The following SPEN variants were observed in gnomAD, a reference collection of about 807,000 sequenced individuals.
SPEN encodes the protein msx2-interacting protein.
Under a neutral mutation model 269.9 loss-of-function variants are expected in SPEN, and 18 were observed. The ratio of observed to expected loss-of-function variants is 0.07; its 90% CI spans 0.05 to 0.10. The LOEUF (loss-of-function observed/expected upper bound fraction) is 0.10, where lower values mean the gene tolerates loss of function less well. Among genes scored for constraint, SPEN ranks in the 10% least tolerant of loss-of-function variants. The pLI, the probability that SPEN is intolerant of heterozygous loss-of-function variation, is 1.00. For synonymous variants in SPEN, 1,726 were observed against 1,765.7 expected (o/e 0.98, Z 0.56); for missense variants, 3,822 against 4,631.2 (o/e 0.83, Z 5.07).
Position 15,922,232 on chromosome 1 carries a change from TC to T in SPEN, c.1750-16del. ...AAATTTGAAACTTGCATCAAACACC[TC>T]TTTTTTTTTTTAAAGGTGGATTTTG... is the stretch of plus-strand genomic sequence containing the variant. On this transcript the variant is annotated splice_polypyrimidine_tract_variant and intron_variant, in intron 9 of 14. Transcript: ENST00000375759. 2 of 1,515,660 alleles carry T rather than the reference TC, an allele frequency of 1.3e-6. No individual in the cohort carries two copies. Among genetic ancestry groups the T allele is most frequent in the Non-Finnish European group, 1.8e-6 (2 of 1,106,644 alleles). 93.9% of individuals were successfully genotyped at this position (1,515,660 alleles called of 1,614,324 possible). A position where few individuals can be genotyped will look rare whatever the true frequency, so the allele number is the denominator to read the frequency against.
At chr1:15,864,479 T>G (rs1480102090) in intron 1 of SPEN, among the ~76,000 whole-genome samples, 3 of 151,338 alleles carry the variant, frequency 2.0e-5, no homozygotes, top group African/African-American at 4.9e-5. Flanking sequence ...GGTTTTTTTT[T>G]TTTTTTTTTT....
intron 3 of SPEN, among the ~76,000 whole-genome samples, chr1:15,907,300 G>A (rs1406571865): frequency 6.6e-6 from 1 of 151,976 alleles, no homozygotes; most frequent in Admixed American, 6.6e-5. Flanking sequence ...TGGGCAACAT[G>A]GTGAAACCCT....
intron 3 of SPEN, among the ~76,000 whole-genome samples, chr1:15,894,533 G>GTTTTTTTTTTTTTTT (rs35841965): frequency 1.5e-4 from 21 of 136,006 alleles, no homozygotes; most frequent in African/African-American, 4.8e-4. Context: ...CCATATTATG[G>GTTTTTTTTTTTTTTT]TTGTTTTTTT....
rs773212469 is a variant in SPEN at position 15,929,804 on chromosome 1, G to T, written c.3564G>T (p.Lys1188Asn). ...AGCAGATGGAAATGGAAATAGCCAA[G>T]TCTGAGAAGTTTGGCAGTCCTAAAA... ...RKQQMEMEIA[K>N]SEKFGSPKKD... Residue 1188 changes from lysine to asparagine, a missense_variant, in exon 11 of 15, where the codon AAG becomes AAT. Lys to Asn is a moderately conservative substitution (Grantham distance 94, BLOSUM62 0). Around this residue, in one of 16 missense-constraint regions of SPEN, gnomAD observed 46 missense variants for 94.0 expected, o/e 0.49. Transcript: ENST00000375759. The surrounding 1 kb of genome is among the most constrained non-coding windows in gnomAD (Gnocchi z 5.8). 6.2e-7 allele frequency: 1 copy of T among 1,614,192 alleles called. No individual in the cohort carries two copies. The highest frequency in any genetic ancestry group is 1.3e-5 in the African/African-American group (1 of 75,056).
In SPEN at chr1:15,937,216, A is replaced by G. The variant is rs1557763715; in HGVS notation, c.10080A>G (p.Thr3360=). ...AGCCTCCTCAGCCTGTGCAGTCCACACAGCCTGCCCAGCCTGCACCACCCT... is the reference window on the plus strand; with the variant it reads ...AGCCTCCTCAGCCTGTGCAGTCCACGCAGCCTGCCCAGCCTGCACCACCCT... ...PLQPPQPVQS[T]QPAQPAPPCP... Residue 3360 remains threonine (T), a synonymous_variant, in exon 12 of 15, where the codon ACA becomes ACG. Coordinates refer to ENST00000375759, the MANE Select transcript of SPEN (RefSeq NM_015001.3). The surrounding 1 kb of genome is among the most constrained non-coding windows in gnomAD (Gnocchi z 5.7). 6.2e-7 allele frequency: 1 copy of G among 1,613,378 alleles called. No homozygotes were observed. The highest frequency in any genetic ancestry group is 8.5e-7 in the Non-Finnish European group (1 of 1,179,912).
chr1:15,894,543 T>TG (rs891624074), intron 3 of SPEN, among the ~76,000 whole-genome samples: 2 of 144,038 alleles, frequency 1.4e-5, no homozygotes, highest in African/African-American at 5.3e-5. Flanking sequence ...GTTGTTTTTT[T>TG]TTTTTTTTTT....
At position 15,920,932 on chromosome 1, in the gene SPEN, A is replaced by T; in HGVS notation, c.1698A>T (p.Gln566His). The T allele has an allele frequency of 6.2e-7, 1 of 1,613,090 alleles. No individual in the cohort carries two copies. The highest frequency in any genetic ancestry group is 2.2e-5 in the East Asian group (1 of 44,776). Residue 566 changes from glutamine (Q) to histidine (H), a missense_variant, in exon 9 of 15, where the codon CAA becomes CAT. By Grantham distance (24) the Gln-to-His change is conservative. Around this residue, in one of 16 missense-constraint regions of SPEN, gnomAD observed 230 missense variants for 426.1 expected, o/e 0.54. Transcript: ENST00000375759. ...LVLYNEIEYAQAAVKETKGRK... is the reference protein window; with the variant it reads ...LVLYNEIEYAHAAVKETKGRK... ...TCTACAATGAAATTGAATATGCACA[A>T]GCAGCTGTAAAAGAGACCAAAGGGA...
intron 3 of SPEN, among the ~76,000 whole-genome samples, chr1:15,879,186 C>A (rs2148713273): frequency 6.6e-6 from 1 of 151,916 alleles, no homozygotes; most frequent in South Asian, 2.1e-4. Context: ...ACTAAAAATA[C>A]AAAAATTATC....
rs532887487 is a variant in SPEN at position 15,936,977 on chromosome 1, A to G, written c.10027-186A>G. Among the ~76,000 whole-genome samples, 28 of 152,198 alleles carry G rather than the reference A, an allele frequency of 1.8e-4. No homozygotes were observed. In the South Asian group the frequency reaches 5.6e-3, roughly 30 times the overall value. On this transcript the variant is annotated intron_variant, in intron 11 of 14. Transcript: ENST00000375759. ...GTAGCATCAGCAGGAGGCAGGTAAT[A>G]GGGGATCTCTCCTTACCTGGAACCC...
intron 1 of SPEN, among the ~76,000 whole-genome samples, chr1:15,870,593 G>T (rs2070563343): frequency 6.6e-6 from 1 of 152,206 alleles, no homozygotes; most frequent in Non-Finnish European, 1.5e-5. Flanking sequence ...GACTCAGAGA[G>T]AATTGTTTTC....
chr1:15,890,741 C>T (rs2070780678), intron 3 of SPEN, among the ~76,000 whole-genome samples: 1 of 151,902 alleles, frequency 6.6e-6, no homozygotes. Context: ...TTTTCATGAC[C>T]CCGAAAAGAA....
At chr1:15,938,324 C>T (rs2071299343) in intron 13 of SPEN, among the ~76,000 whole-genome samples, 1 of 152,088 alleles carries the variant, frequency 6.6e-6, no homozygotes, top group South Asian at 2.1e-4. Flanking sequence ...CCATGTTGGC[C>T]AGGCCAGCCT....
intron 1 of SPEN, among the ~76,000 whole-genome samples, chr1:15,857,449 C>T (rs1456691225): frequency 1.1e-4 from 16 of 152,066 alleles, no homozygotes; most frequent in African/African-American, 3.4e-4. Context: ...CTCTGCCTCC[C>T]GGGTTCAAGC....
rs577105525 is a variant in SPEN, at chr1:15,931,699, A to G, written c.5459A>G (p.Lys1820Arg). Residue 1820 changes from lysine to arginine, a missense_variant, in exon 11 of 15, where the codon AAA becomes AGA. By Grantham distance (26) the Lys-to-Arg change is conservative. Coordinates refer to ENST00000375759, the MANE Select transcript of SPEN (RefSeq NM_015001.3). This position sits in a 1 kb window ranked among gnomAD's most constrained non-coding sequence, Gnocchi z 4.8. ...PVAAKDKKPNKSKRSKTPVQA... is the reference protein window; with the variant it reads ...PVAAKDKKPNRSKRSKTPVQA... ...GCTGCAAAGGATAAAAAGCCAAACA[A>G]AAGCAAGCGTTCAAAGACCCCTGTT... 21 of 1,614,174 alleles carry G rather than the reference A, an allele frequency of 1.3e-5. 1 individual carries two copies. In the South Asian group the frequency reaches 2.2e-4, roughly 17 times the overall value.
Position 15,935,213 on chromosome 1 carries a change from C to G in SPEN, c.8973C>G (p.Pro2991=), listed in dbSNP as rs751681006. The G allele has an allele frequency of 6.2e-7, 1 of 1,614,146 alleles. No individual in the cohort carries two copies. ...CGCCCCACCACCCTCCTGCTCTGCC[C>G]AGCAAACTGCCTACAGAAGTCAACC... ...TLTPHHPPAL[P]SKLPTEVNHV... is the part of the protein sequence containing the mutation. Residue 2991 remains proline, a synonymous_variant, in exon 11 of 15, where the codon CCC becomes CCG. Transcript: ENST00000375759. This position sits in a 1 kb window ranked among gnomAD's most constrained non-coding sequence, Gnocchi z 7.7.
chr1:15,872,670 G>A (rs1334665549), intron 1 of SPEN, 146 bp from the exon 2 acceptor site: 3 of 472,930 alleles, frequency 6.3e-6, no homozygotes, highest in East Asian at 3.2e-5. Context: ...AGAGAAAAAC[G>A]TTAAGTGTAA....
intron 11 of SPEN, among the ~76,000 whole-genome samples, chr1:15,936,655 A>AAAAAAAAT (rs2071278407): frequency 6.6e-6 from 1 of 150,920 alleles, no homozygotes; most frequent in South Asian, 2.1e-4. Context: ...AAAAAAAAAA[A>AAAAAAAAT]GCCGGGCATA....
At chr1:15,909,136 T>C (rs1019796846) in intron 3 of SPEN, among the ~76,000 whole-genome samples, 185 bp from the exon 4 acceptor site, 12 of 152,230 alleles carry the variant, frequency 7.9e-5, no homozygotes. Context: ...ACTTTTGTGC[T>C]CCTGCATATT....
At chr1:15,862,503 T>C (rs2070457938) in intron 1 of SPEN, among the ~76,000 whole-genome samples, 1 of 152,028 alleles carries the variant, frequency 6.6e-6, no homozygotes, top group Non-Finnish European at 1.5e-5. Context: ...TTTCCAAGAT[T>C]GTCTAAAATA....
Sources: allele counts gnomAD v4.1 joint callset (sites outside exome capture counted in the v4.1 genomes callset), GRCh38; gene constraint gnomAD v4.1.1; regional missense constraint gnomAD v4.1.1; non-coding constraint Gnocchi (gnomAD v3.1); transcripts MANE v1.5; gene names NCBI Gene and HGNC (gene_info 2026-07-23, HGNC 2026-07-21).